The following LAMC1 variants were observed in gnomAD, a reference collection of about 807,000 sequenced individuals.
LAMC1 encodes laminin subunit gamma-1.
LAMC1 carries 38 observed loss-of-function variants against 173.6 expected under a neutral mutation model. The ratio of observed to expected loss-of-function variants is 0.22; its 90% CI spans 0.17 to 0.29. The LOEUF (loss-of-function observed/expected upper bound fraction) is 0.29, where lower values mean the gene tolerates loss of function less well. Among genes scored for constraint, LAMC1 ranks in the 10% least tolerant of loss-of-function variants. LAMC1 has a pLI of 1.00. For synonymous variants in LAMC1, 746 were observed against 749.1 expected (o/e 1.00, Z 0.07); for missense variants, 1,824 against 2,051.8 (o/e 0.89, Z 2.14).
rs1215342665 is a variant in LAMC1, at chr1:183,138,279, A to G, written c.4473+452A>G. 4 of 728,946 alleles carry G rather than the reference A, an allele frequency of 5.5e-6. No homozygotes were observed. In the East Asian group the frequency reaches 5.2e-4, roughly 95 times the overall value. 45.2% of individuals were successfully genotyped at this position (728,946 alleles called of 1,614,324 possible). A position where few individuals can be genotyped will look rare whatever the true frequency, so the allele number is the denominator to read the frequency against. The stretch of plus-strand genomic sequence containing the variant: ...CCCCACCAAAACATATGAAACTTAC[A>G]TCTAGTTTAATTTTTCACGTTTTGT... On this transcript the variant is annotated intron_variant, in intron 26 of 27. Coordinates refer to ENST00000258341, the MANE Select transcript of LAMC1 (RefSeq NM_002293.4).
At chr1:183,025,498 T>C (rs1653664348) in intron 1 of LAMC1, among the ~76,000 whole-genome samples, 1 of 152,234 alleles carries the variant, frequency 6.6e-6, no homozygotes, top group African/African-American at 2.4e-5. Flanking sequence ...TTTTCAGGGA[T>C]TGAAGAAGTA....
intron 1 of LAMC1, among the ~76,000 whole-genome samples, chr1:183,067,056 T>A (rs1217882328): frequency 6.6e-6 from 1 of 152,242 alleles, no homozygotes; most frequent in African/African-American, 2.4e-5. Flanking sequence ...ATAGCTTTTC[T>A]GAAGTTATGC....
chr1:183,065,541 T>G (rs1332204705), intron 1 of LAMC1, among the ~76,000 whole-genome samples: 1 of 152,156 alleles, frequency 6.6e-6, no homozygotes, highest in Non-Finnish European at 1.5e-5. Context: ...TATTATGGAT[T>G]TGTTTTACTC....
At chr1:183,115,459 A>T in intron 5 of LAMC1, 61 bp from the exon 6 acceptor site, 1 of 1,041,842 alleles carries the variant, frequency 9.6e-7, no homozygotes, top group Non-Finnish European at 1.5e-6. Context: ...TCTTTAACAC[A>T]TTGATTTTAC....
chr1:183,030,371 CTGTT>C (rs956826159), intron 1 of LAMC1, among the ~76,000 whole-genome samples: 7 of 152,160 alleles, frequency 4.6e-5, no homozygotes, highest in East Asian at 3.8e-4. Context: ...ACTTCACTGA[CTGTT>C]TGGGTGGAGG....
intron 17 of LAMC1, among the ~76,000 whole-genome samples, chr1:183,128,194 C>T (rs1357662824): frequency 1.3e-5 from 2 of 152,108 alleles, no homozygotes; most frequent in Admixed American, 6.6e-5. Flanking sequence ...TATCAGAGAG[C>T]TGAGTGGAGG....
intron 1 of LAMC1, among the ~76,000 whole-genome samples, chr1:183,098,865 C>T (rs2102065772): frequency 6.6e-6 from 1 of 152,304 alleles, no homozygotes; most frequent in Non-Finnish European, 1.5e-5. Flanking sequence ...TTCTTGTTTT[C>T]CAGCTTCTAT....
At chr1:183,097,484 A>G (rs919943762) in intron 1 of LAMC1, among the ~76,000 whole-genome samples, 1 of 152,194 alleles carries the variant, frequency 6.6e-6, no homozygotes, top group Non-Finnish European at 1.5e-5. Flanking sequence ...AAAATTCTAT[A>G]TGGCTATTGT....
chr1:183,097,473 TA>T (rs1231951199), intron 1 of LAMC1, among the ~76,000 whole-genome samples: 1 of 152,222 alleles, frequency 6.6e-6, no homozygotes, highest in Non-Finnish European at 1.5e-5. Flanking sequence ...TGCAATTTTG[TA>T]AAATTCTATA....
intron 1 of LAMC1, among the ~76,000 whole-genome samples, chr1:183,071,435 T>A (rs1655009548): frequency 6.6e-6 from 1 of 152,220 alleles, no homozygotes; most frequent in African/African-American, 2.4e-5. Context: ...TACAGCTCTT[T>A]GAGGTTCATG....
intron 14 of LAMC1, chr1:183,125,137 T>A: frequency 1.7e-6 from 1 of 591,762 alleles, no homozygotes; most frequent in Non-Finnish European, 3.0e-6. Flanking sequence ...AACATATGAT[T>A]TCAATAAGTA....
chr1:183,044,915 G>T (rs1490851828), intron 1 of LAMC1, among the ~76,000 whole-genome samples: 1 of 150,722 alleles, frequency 6.6e-6, no homozygotes, highest in East Asian at 1.9e-4. Context: ...CATGAAGTTG[G>T]TGTCTCAATG....
intron 1 of LAMC1, among the ~76,000 whole-genome samples, chr1:183,087,933 C>G (rs1388153576): frequency 6.6e-6 from 1 of 151,894 alleles, no homozygotes; most frequent in Non-Finnish European, 1.5e-5. Context: ...CCTGCCTCAG[C>G]CTCCCAAGTA....
rs563049124 is a variant in LAMC1, at chr1:183,083,589, G to A, written c.419-19739G>A. Among the ~76,000 whole-genome samples the A allele has an allele frequency of 4.6e-5, 7 of 152,162 alleles. No homozygotes were observed. The East Asian group carries it at 1.4e-3, about 29-fold the overall frequency. On this transcript the variant is annotated intron_variant, in intron 1 of 27. Coordinates refer to ENST00000258341, the MANE Select transcript of LAMC1 (RefSeq NM_002293.4). ...CTATATAAGTATGTGTAAAACATTAGGCTATTTATCATTTTTCCTTTTAGA... is the reference window on the plus strand; with the variant it reads ...CTATATAAGTATGTGTAAAACATTAAGCTATTTATCATTTTTCCTTTTAGA...
intron 13 of LAMC1, among the ~76,000 whole-genome samples, chr1:183,122,688 AC>A (rs2102092125): frequency 6.6e-6 from 1 of 152,188 alleles, no homozygotes; most frequent in Non-Finnish European, 1.5e-5. Flanking sequence ...TGCATGCACT[AC>A]ATCAAATGTC....
intron 1 of LAMC1, among the ~76,000 whole-genome samples, chr1:183,053,437 A>G (rs1654492041): frequency 6.6e-6 from 1 of 150,522 alleles, no homozygotes. Flanking sequence ...TTTTCATTTC[A>G]AACTAATGGG....
chr1:183,050,776 A>T (rs1225417383), intron 1 of LAMC1, among the ~76,000 whole-genome samples: 1 of 150,424 alleles, frequency 6.6e-6, no homozygotes, highest in African/African-American at 2.4e-5. Flanking sequence ...CTGTTATCTC[A>T]GGTACCTGGG....
chr1:183,038,409 G>A (rs966579831), intron 1 of LAMC1, among the ~76,000 whole-genome samples: 1 of 152,210 alleles, frequency 6.6e-6, no homozygotes, highest in African/African-American at 2.4e-5. Context: ...CCGGAGGGCT[G>A]AGTGTTGGGC....
intron 13 of LAMC1, among the ~76,000 whole-genome samples, chr1:183,124,291 A>G (rs1313931587): frequency 1.3e-5 from 2 of 152,252 alleles, no homozygotes; most frequent in African/African-American, 4.8e-5. Context: ...AAAACAACAT[A>G]TATGAATGTG....
Sources: allele counts gnomAD v4.1 joint callset (sites outside exome capture counted in the v4.1 genomes callset), GRCh38; gene constraint gnomAD v4.1.1; transcripts MANE v1.5; gene names NCBI Gene and HGNC (gene_info 2026-07-23, HGNC 2026-07-21).